LRRK2: variants seen among roughly 807,000 people sequenced by gnomAD.
LRRK2 encodes the protein leucine-rich repeat serine/threonine-protein kinase 2.
LRRK2 carries 203 observed loss-of-function variants against 302.6 expected under a neutral mutation model. That is an observed-to-expected ratio of 0.67 (90% CI 0.60 to 0.75). The LOEUF (loss-of-function observed/expected upper bound fraction) is 0.75, where lower values mean the gene tolerates loss of function less well. Among genes scored for constraint, LRRK2 ranks in the 30% least tolerant of loss-of-function variants. The probability of loss-of-function intolerance (pLI) is 0.00; values close to 1 mark genes in which losing one functional copy is unlikely to be tolerated. For synonymous variants in LRRK2, 1,066 were observed against 1,031.9 expected (o/e 1.03, Z -0.63); for missense variants, 2,830 against 2,951.0 (o/e 0.96, Z 0.95).
At chr12:40,355,351 G>A (rs754192770) in intron 45 of LRRK2, among the ~76,000 whole-genome samples, 20 of 152,248 alleles carry the variant, frequency 1.3e-4, no homozygotes, top group East Asian at 3.9e-4. Flanking sequence ...TTTAAGCGCA[G>A]GGGTGAGCTA....
At chr12:40,332,589 T>G (rs1490578249) in intron 39 of LRRK2, among the ~76,000 whole-genome samples, 1 of 152,194 alleles carries the variant, frequency 6.6e-6, no homozygotes, top group Non-Finnish European at 1.5e-5. Context: ...AGTTATAATA[T>G]TTTAAGTACT....
chr12:40,286,307 G>A (rs1435046522), intron 19 of LRRK2: 3 of 151,860 alleles, frequency 2.0e-5, no homozygotes, highest in Admixed American at 6.6e-5. Flanking sequence ...ACCGGGCTTC[G>A]GGATAATTTC....
rs17520020 is a variant in LRRK2, at chr12:40,312,267, C to T, written c.4536+1618C>T. On this transcript the variant is annotated intron_variant, in intron 31 of 50. Coordinates refer to ENST00000298910, the MANE Select transcript of LRRK2 (RefSeq NM_198578.4). ...GACAACTTTTTACAAGGAAATAAAA[C>T]AAATGCTTTGAGAAATACCAGTATT... 5.2e-3 allele frequency among the ~76,000 whole-genome samples: 788 copies of T among 152,178 alleles called. 11 individuals are homozygous for T. The highest frequency in any genetic ancestry group is 0.018 in the African/African-American group (752 of 41,536).
At chr12:40,361,182 A>C (rs1219371356) in intron 47 of LRRK2, among the ~76,000 whole-genome samples, 1 of 151,958 alleles carries the variant, frequency 6.6e-6, no homozygotes, top group African/African-American at 2.4e-5. Context: ...TGAGGTTAAG[A>C]TATACTGCGG....
chr12:40,273,515 T>C (rs932599982), intron 14 of LRRK2, among the ~76,000 whole-genome samples: 11 of 152,026 alleles, frequency 7.2e-5, no homozygotes, highest in African/African-American at 2.4e-4. Flanking sequence ...TGAGAAAGGA[T>C]TGGAAATCTG....
intron 25 of LRRK2, among the ~76,000 whole-genome samples, chr12:40,302,366 A>G (rs1944663402): frequency 6.6e-6 from 1 of 152,134 alleles, no homozygotes; most frequent in Non-Finnish European, 1.5e-5. Flanking sequence ...ATGAGCTAGT[A>G]CCATAAAGAA....
chr12:40,252,001 C>T (rs1012790906), intron 10 of LRRK2, among the ~76,000 whole-genome samples: 38 of 152,112 alleles, frequency 2.5e-4, no homozygotes, highest in African/African-American at 8.0e-4. Flanking sequence ...TGTCTTCTTT[C>T]GAGAGGGTTA....
chr12:40,277,855 C>A, intron 16 of LRRK2, 33 bp from the exon 17 acceptor site: 1 of 1,542,350 alleles, frequency 6.5e-7, no homozygotes, highest in Non-Finnish European at 8.8e-7. Context: ...CCTGTAATTG[C>A]TTATTTTATT....
intron 33 of LRRK2, among the ~76,000 whole-genome samples, chr12:40,318,822 T>C (rs1229016464): frequency 2.6e-5 from 4 of 152,100 alleles, no homozygotes; most frequent in Non-Finnish European, 5.9e-5. Context: ...AAGAGCGATC[T>C]GGAATTGCTA....
intron 14 of LRRK2, among the ~76,000 whole-genome samples, chr12:40,273,048 A>G (rs1036800486): frequency 1.3e-5 from 2 of 152,182 alleles, no homozygotes; most frequent in African/African-American, 4.8e-5. Flanking sequence ...GGACAGAGCT[A>G]TCTCATTTCA....
chr12:40,271,114 T>A (rs754238509), intron 14 of LRRK2, among the ~76,000 whole-genome samples: 14 of 152,024 alleles, frequency 9.2e-5, no homozygotes, highest in Non-Finnish European at 1.9e-4. Flanking sequence ...ATTTTAGCTC[T>A]CTTCTTTGGG....
intron 41 of LRRK2, 94 bp from the exon 42 acceptor site, chr12:40,346,659 C>T (rs1268697194): frequency 8.8e-7 from 1 of 1,136,284 alleles, no homozygotes; most frequent in African/African-American, 1.5e-5. Flanking sequence ...CTCTTCCTGA[C>T]TCTCTTATTT....
chr12:40,278,765 C>G (rs1359100344), intron 18 of LRRK2, among the ~76,000 whole-genome samples: 1 of 152,148 alleles, frequency 6.6e-6, no homozygotes, highest in African/African-American at 2.4e-5. Flanking sequence ...CTTTCCTTCT[C>G]TCTTCCCTCC....
chr12:40,246,821 C>T, intron 7 of LRRK2, among the ~76,000 whole-genome samples: 1 of 152,116 alleles, frequency 6.6e-6, no homozygotes, highest in East Asian at 1.9e-4. Flanking sequence ...CATGCTTTCC[C>T]ACAAGACTAC....
intron 11 of LRRK2, among the ~76,000 whole-genome samples, chr12:40,255,048 C>T (rs1379995755): frequency 6.6e-6 from 1 of 152,072 alleles, no homozygotes; most frequent in African/African-American, 2.4e-5. Context: ...AGGTTGCATA[C>T]ATTTTGTGTG....
intron 16 of LRRK2, among the ~76,000 whole-genome samples, chr12:40,275,938 G>T (rs141670826): frequency 6.6e-6 from 1 of 152,042 alleles, no homozygotes; most frequent in Non-Finnish European, 1.5e-5. Context: ...TTTGTAACTG[G>T]CAGCATTGAC....
At chr12:40,320,261 G>A (rs981613252) in intron 34 of LRRK2, 86 bp downstream of exon 34, 3 of 1,047,362 alleles carry the variant, frequency 2.9e-6, no homozygotes, top group Non-Finnish European at 4.3e-6. Context: ...GTCTATAATA[G>A]ATGTATTAAA....
chr12:40,265,721 C>G (rs939760923), intron 14 of LRRK2, among the ~76,000 whole-genome samples: 1 of 152,000 alleles, frequency 6.6e-6, no homozygotes, highest in Non-Finnish European at 1.5e-5. Flanking sequence ...TCAAAATGTG[C>G]ATGCTCCCCA....
At chr12:40,269,379 T>C (rs185733509) in intron 14 of LRRK2, among the ~76,000 whole-genome samples, 89 of 152,216 alleles carry the variant, frequency 5.8e-4, no homozygotes, top group African/African-American at 2.0e-3. Context: ...GTCAGGGAGT[T>C]GTAAATGGAG....
Sources: gnomAD v4.1 joint callset for allele counts (sites outside exome capture counted in the v4.1 genomes callset) on GRCh38, gnomAD v4.1.1 for gene constraint, MANE v1.5 for transcripts, NCBI Gene and HGNC (gene_info 2026-07-23, HGNC 2026-07-21) for gene names.